Variants in MAGI3 observed in about 807,000 individuals in gnomAD.
The protein encoded by MAGI3 is membrane-associated guanylate kinase, WW and PDZ domain-containing protein 3.
In MAGI3, 43 loss-of-function variants were observed where a neutral mutation model predicts 121.8. The observed-to-expected ratio is 0.35, with a 90% CI of 0.28 to 0.46. The LOEUF is 0.46. Among genes scored for constraint, MAGI3 ranks in the 20% least tolerant of loss-of-function variants. The pLI, the probability that MAGI3 is intolerant of heterozygous loss-of-function variation, is 1.00. For synonymous variants in MAGI3, 553 were observed against 639.3 expected (o/e 0.86, Z 2.04); for missense variants, 1,547 against 1,797.3 (o/e 0.86, Z 2.52).
At chr1:113,569,211 A>G (rs1660553588) in intron 2 of MAGI3, among the ~76,000 whole-genome samples, 1 of 152,184 alleles carries the variant, frequency 6.6e-6, no homozygotes, top group South Asian at 2.1e-4. Context: ...GCAGCTGAGG[A>G]AGAATATGGC....
chr1:113,402,399 G>A (rs1199563508), intron 1 of MAGI3, among the ~76,000 whole-genome samples: 7 of 152,148 alleles, frequency 4.6e-5, no homozygotes, highest in Non-Finnish European at 1.0e-4. Context: ...AGTCAAAATT[G>A]TTAGCTGGTA....
At chr1:113,555,146 A>G (rs1351551788) in intron 2 of MAGI3, among the ~76,000 whole-genome samples, 4 of 152,022 alleles carry the variant, frequency 2.6e-5, no homozygotes, top group Non-Finnish European at 4.4e-5. Context: ...CTGGATTTCT[A>G]TGTACAACAA....
intron 6 of MAGI3, among the ~76,000 whole-genome samples, chr1:113,599,569 G>A (rs868386089): frequency 2.6e-5 from 4 of 151,998 alleles, no homozygotes; most frequent in African/African-American, 9.7e-5. Context: ...TGAAATTGTG[G>A]CAATAATCAA....
Position 113,390,996 on chromosome 1 carries a change from C to A in MAGI3, c.-38C>A. On this transcript the variant is annotated 5_prime_UTR_variant, in exon 1 of 21. Transcript: ENST00000307546. Reference sequence around the variant, plus strand: ...GGGGCCGGAGCGGCGCCCCGGCCGCCCGCGCGGGGTCTCCCCCATGGTGCA... The same window carrying A: ...GGGGCCGGAGCGGCGCCCCGGCCGCACGCGCGGGGTCTCCCCCATGGTGCA... The A allele has an allele frequency of 6.7e-7, 1 of 1,496,078 alleles. No individual in the cohort carries two copies. Among genetic ancestry groups the A allele is most frequent in the Non-Finnish European group, 8.9e-7 (1 of 1,127,648 alleles). 92.7% of individuals were successfully genotyped at this position (1,496,078 alleles called of 1,614,324 possible).
chr1:113,547,253 T>C (rs1006425925), intron 1 of MAGI3, among the ~76,000 whole-genome samples: 13 of 152,152 alleles, frequency 8.5e-5, no homozygotes, highest in Admixed American at 2.0e-4. Context: ...TTTATAGTTA[T>C]CTTTGTACGT....
At chr1:113,429,992 A>G (rs1168528581) in intron 1 of MAGI3, among the ~76,000 whole-genome samples, 1 of 152,068 alleles carries the variant, frequency 6.6e-6, no homozygotes, top group Non-Finnish European at 1.5e-5. Flanking sequence ...AGAAACACTA[A>G]GTGAAACACT....
Position 113,564,809 on chromosome 1 carries a change from A to T in MAGI3, c.433+15178A>T, listed in dbSNP as rs117184569. On this transcript the variant is annotated intron_variant, in intron 2 of 20. Coordinates refer to ENST00000307546, the MANE Select transcript of MAGI3 (RefSeq NM_001142782.2). ...TACGTATTTAGTATTTGAATTTTTC[A>T]TACCTAAAATTGTAGTTATTTATTT... 8.5e-5 allele frequency among the ~76,000 whole-genome samples: 13 copies of T among 152,258 alleles called. No individual in the cohort carries two copies. The East Asian group carries it at 2.3e-3, about 27-fold the overall frequency.
intron 1 of MAGI3, among the ~76,000 whole-genome samples, chr1:113,488,944 AGG>A (rs1388419103): frequency 6.6e-6 from 1 of 152,072 alleles, no homozygotes; most frequent in Non-Finnish European, 1.5e-5. Context: ...AGTCACCAGC[AGG>A]GGCCCCCTGC....
At position 113,653,964 on chromosome 1, in the gene MAGI3, A is replaced by G; in HGVS notation, c.2575A>G (p.Asn859Asp). ...PYDVVLQRKE[N>D]EGFGFVILTS... The stretch of plus-strand genomic sequence containing the variant: ...TGATGTTGTCTTGCAACGAAAAGAA[A>G]ATGAAGGATTTGGCTTTGTCATCCT... Residue 859 changes from asparagine to aspartate, a missense_variant, in exon 15 of 21, where the codon AAT becomes GAT. Asn to Asp is a conservative substitution (Grantham distance 23). Transcript: ENST00000307546. 6.2e-7 allele frequency: 1 copy of G among 1,613,936 alleles called. No homozygotes were observed. The highest frequency in any genetic ancestry group is 8.5e-7 in the Non-Finnish European group (1 of 1,179,942).
chr1:113,527,017 G>T (rs79825733), intron 1 of MAGI3, among the ~76,000 whole-genome samples: 8,901 of 152,218 alleles, frequency 0.058, 382 homozygotes, highest in Non-Finnish European at 0.093. Context: ...CATTTTATAG[G>T]ATTATTGTGA....
At chr1:113,568,675 C>T (rs1660533287) in intron 2 of MAGI3, among the ~76,000 whole-genome samples, 1 of 152,034 alleles carries the variant, frequency 6.6e-6, no homozygotes, top group Non-Finnish European at 1.5e-5. Flanking sequence ...GAAAGAAGTG[C>T]TGTGGCTGAT....
At chr1:113,398,915 C>A (rs928936134) in intron 1 of MAGI3, among the ~76,000 whole-genome samples, 1 of 151,868 alleles carries the variant, frequency 6.6e-6, no homozygotes, top group African/African-American at 2.4e-5. Context: ...AGAAAAAAAT[C>A]TTAATTTACA....
intron 1 of MAGI3, among the ~76,000 whole-genome samples, chr1:113,542,211 A>G (rs376722086): frequency 6.6e-6 from 1 of 152,136 alleles, no homozygotes; most frequent in Non-Finnish European, 1.5e-5. Context: ...TTTTGATCTA[A>G]TAACCCAGAC....
At chr1:113,628,211 C>T (rs114993366) in intron 9 of MAGI3, among the ~76,000 whole-genome samples, 30 of 151,934 alleles carry the variant, frequency 2.0e-4, no homozygotes, top group South Asian at 4.2e-4. Context: ...TTTACCAGGA[C>T]GCTAGAAAAT....
chr1:113,673,289 G>C lies in MAGI3; in HGVS notation c.3046-33G>C, dbSNP rs780565121. ...CAAAATGTAAGTAAACAGTCCATGA[G>C]AACTTGCTTTTCTTATACTTCTTTC... is the stretch of plus-strand genomic sequence containing the variant. On this transcript the variant is annotated intron_variant, in intron 18 of 20. Transcript: ENST00000307546. 1.2e-5 allele frequency: 20 copies of C among 1,601,966 alleles called. No homozygotes were observed. In the East Asian group the frequency reaches 4.5e-4, roughly 36 times the overall value.
intron 1 of MAGI3, among the ~76,000 whole-genome samples, chr1:113,449,528 C>T (rs1366142851): frequency 7.9e-5 from 12 of 152,060 alleles, no homozygotes; most frequent in Middle Eastern, 3.2e-3. Flanking sequence ...CCGTTGGAGA[C>T]GACATCCATC....
chr1:113,447,322 G>C (rs1654222085), intron 1 of MAGI3, among the ~76,000 whole-genome samples: 1 of 152,148 alleles, frequency 6.6e-6, no homozygotes, highest in Admixed American at 6.5e-5. Flanking sequence ...TTGTCCCATG[G>C]CAAAAGGGCA....
intron 1 of MAGI3, among the ~76,000 whole-genome samples, chr1:113,515,905 A>G (rs1334672462): frequency 6.6e-6 from 1 of 152,040 alleles, no homozygotes; most frequent in East Asian, 1.9e-4. Context: ...ACTATTATAG[A>G]TCAATTGTGC....
intron 4 of MAGI3, among the ~76,000 whole-genome samples, chr1:113,586,978 C>T (rs1438050311): frequency 3.3e-5 from 5 of 151,992 alleles, no homozygotes; most frequent in African/African-American, 7.3e-5. Flanking sequence ...GGAGGCAGTT[C>T]GTATACTACC....
Sources: gnomAD v4.1 joint callset for allele counts (sites outside exome capture counted in the v4.1 genomes callset) on GRCh38, gnomAD v4.1.1 for gene constraint, MANE v1.5 for transcripts, NCBI Gene and HGNC (gene_info 2026-07-23, HGNC 2026-07-21) for gene names.